Variants in VWA8 observed in about 807,000 individuals in gnomAD.
VWA8 encodes the protein von Willebrand factor A domain-containing protein 8.
A neutral mutation model predicts 241.5 loss-of-function variants in VWA8; 221 were observed. That is an observed-to-expected ratio of 0.91 (90% CI 0.82 to 1.02). The LOEUF is 1.02. VWA8 is among the 50% of genes least tolerant of loss of function. The pLI is 0.00. For synonymous variants in VWA8, 852 were observed against 827.1 expected (o/e 1.03, Z -0.52); for missense variants, 2,322 against 2,328.7 (o/e 1.00, Z 0.06).
chr13:41,662,666 C>T (rs915740497), intron 37 of VWA8, among the ~76,000 whole-genome samples: 3 of 150,368 alleles, frequency 2.0e-5, no homozygotes, highest in Non-Finnish European at 3.0e-5. Context: ...TTTCTTATTG[C>T]TCCTTTTCTT....
chr13:41,819,412 A>T lies in VWA8; in HGVS notation c.1701-26T>A, dbSNP rs1439026700. 4 of 1,586,830 alleles carry T rather than the reference A, an allele frequency of 2.5e-6. No homozygotes were observed. The Admixed American group carries it at 7.8e-5, about 31-fold the overall frequency. ...CTAAAATAGGAAAAAAAATGAAAAA[A>T]AATAACATATCTTTCATGTAAGAAA... On this transcript the variant is annotated intron_variant, in intron 14 of 44. Transcript: ENST00000379310.
chr13:41,677,298 A>G (rs2045066938), intron 35 of VWA8, among the ~76,000 whole-genome samples: 1 of 152,112 alleles, frequency 6.6e-6, no homozygotes, highest in Non-Finnish European at 1.5e-5. Flanking sequence ...TTTCCAGCAA[A>G]TTCCTGTGCT....
intron 2 of VWA8, among the ~76,000 whole-genome samples, chr13:41,921,929 G>A (rs536831304): frequency 2.4e-4 from 37 of 152,154 alleles, no homozygotes; most frequent in African/African-American, 8.7e-4. Context: ...AATTGGAAAA[G>A]ACTACTTTAA....
At chr13:41,894,037 T>C (rs948405332) in intron 4 of VWA8, among the ~76,000 whole-genome samples, 1 of 152,254 alleles carries the variant, frequency 6.6e-6, no homozygotes, top group Admixed American at 6.5e-5. Flanking sequence ...CTAAAACTTT[T>C]AGCAATCTTT....
chr13:41,859,860 T>C (rs1027646747), intron 12 of VWA8, among the ~76,000 whole-genome samples: 2 of 152,180 alleles, frequency 1.3e-5, no homozygotes, highest in Non-Finnish European at 2.9e-5. Context: ...TAAGTGTAGC[T>C]TTATACATGT....
intron 21 of VWA8, among the ~76,000 whole-genome samples, chr13:41,741,545 C>T (rs1379667885): frequency 2.0e-5 from 3 of 152,174 alleles, no homozygotes; most frequent in Non-Finnish European, 4.4e-5. Context: ...CAGTTGTTCA[C>T]ATGAGTATCT....
At chr13:41,944,481 T>A (rs1246288464) in intron 2 of VWA8, among the ~76,000 whole-genome samples, 1 of 152,184 alleles carries the variant, frequency 6.6e-6, no homozygotes. Flanking sequence ...AATATTTTAT[T>A]TTTTACAGAA....
chr13:41,864,248 C>T (rs1873184610), intron 12 of VWA8, among the ~76,000 whole-genome samples: 1 of 151,488 alleles, frequency 6.6e-6, no homozygotes, highest in South Asian at 2.1e-4. Flanking sequence ...CTATGGAAAA[C>T]AGTTTATTGG....
At chr13:41,848,393 T>C (rs959272210) in intron 12 of VWA8, among the ~76,000 whole-genome samples, 3 of 152,168 alleles carry the variant, frequency 2.0e-5, no homozygotes, top group African/African-American at 4.8e-5. Flanking sequence ...CAGGGTAATA[T>C]GGCTTGGCTG....
chr13:41,826,864 A>C (rs1871195484), intron 14 of VWA8, among the ~76,000 whole-genome samples: 2 of 152,076 alleles, frequency 1.3e-5, no homozygotes, highest in Admixed American at 1.3e-4. Flanking sequence ...CTAGAACAAG[A>C]CCCTATCTCA....
At chr13:41,724,330 A>G (rs925383918) in intron 24 of VWA8, among the ~76,000 whole-genome samples, 1 of 152,160 alleles carries the variant, frequency 6.6e-6, no homozygotes, top group Non-Finnish European at 1.5e-5. Context: ...GGAGAAGAAA[A>G]AAGTAGCAAT....
chr13:41,792,600 A>T (rs1234088001), intron 17 of VWA8, among the ~76,000 whole-genome samples: 2 of 152,002 alleles, frequency 1.3e-5, no homozygotes, highest in Non-Finnish European at 2.9e-5. Context: ...GTAGCCTATT[A>T]TACTTCCATG....
chr13:41,840,406 T>C (rs776626756), intron 12 of VWA8, among the ~76,000 whole-genome samples: 1 of 151,812 alleles, frequency 6.6e-6, no homozygotes, highest in Non-Finnish European at 1.5e-5. Flanking sequence ...CCATGGTACA[T>C]GTATACCTAT....
intron 13 of VWA8, among the ~76,000 whole-genome samples, chr13:41,831,743 C>T (rs1871472458): frequency 2.0e-5 from 3 of 151,002 alleles, no homozygotes; most frequent in Admixed American, 2.0e-4. Flanking sequence ...CCTTAGCCTC[C>T]TGAGTAGCTG....
intron 21 of VWA8, among the ~76,000 whole-genome samples, chr13:41,758,567 T>C (rs1593750674): frequency 6.9e-6 from 1 of 145,744 alleles, no homozygotes; most frequent in Non-Finnish European, 1.5e-5. Flanking sequence ...TTGTATCTTA[T>C]GACCTTGTTT....
At chr13:41,660,967 G>T (rs899891130) in intron 37 of VWA8, among the ~76,000 whole-genome samples, 11 of 151,678 alleles carry the variant, frequency 7.3e-5, no homozygotes, top group Non-Finnish European at 1.2e-4. Context: ...CCGGGTTCAA[G>T]CGATTCTCCT....
At chr13:41,822,348 A>G (rs1433865317) in intron 14 of VWA8, among the ~76,000 whole-genome samples, 1 of 152,194 alleles carries the variant, frequency 6.6e-6, no homozygotes, top group African/African-American at 2.4e-5. Flanking sequence ...TTAGTTTTCC[A>G]TACTACAATA....
intron 42 of VWA8, among the ~76,000 whole-genome samples, chr13:41,581,144 G>A (rs1368660859): frequency 7.8e-6 from 1 of 127,718 alleles, no homozygotes; most frequent in Non-Finnish European, 1.5e-5. Context: ...GGGACTACAG[G>A]CGCCCGCCAC....
chr13:41,585,061 AGTT>A (rs1316703554), intron 42 of VWA8, among the ~76,000 whole-genome samples: 1 of 150,854 alleles, frequency 6.6e-6, no homozygotes, highest in African/African-American at 2.4e-5. Context: ...ATATGGTAAC[AGTT>A]TGGTTTGTAA....
Sources: gnomAD v4.1 joint callset for allele counts (sites outside exome capture counted in the v4.1 genomes callset) on GRCh38, gnomAD v4.1.1 for gene constraint, MANE v1.5 for transcripts, NCBI Gene and HGNC (gene_info 2026-07-23, HGNC 2026-07-21) for gene names.